DACH1: variants seen among roughly 807,000 people sequenced by gnomAD.
DACH1 encodes the protein dachshund family transcription factor 1.
DACH1 carries 12 observed loss-of-function variants against 54.2 expected under a neutral mutation model. The observed-to-expected ratio is 0.22, with a 90% CI of 0.14 to 0.36. The LOEUF is 0.36. Ranked by LOEUF, DACH1 falls within the 10% of genes least tolerant of loss-of-function variation. The pLI, the probability that DACH1 is intolerant of heterozygous loss-of-function variation, is 1.00. For synonymous variants in DACH1, 386 were observed against 366.2 expected, an observed-to-expected ratio of 1.05 and a Z score of -0.62; for missense variants, 805 against 929.8, an observed-to-expected ratio of 0.87 and a Z score of 1.75.
At chr13:71,827,786 A>G (rs550588119) in intron 1 of DACH1, among the ~76,000 whole-genome samples, 1 of 152,206 alleles carries the variant, frequency 6.6e-6, no homozygotes, top group South Asian at 2.1e-4. Flanking sequence ...ATAAATATAT[A>G]GCTGATTAGG....
chr13:71,691,287 TG>T (rs1881464760), intron 1 of DACH1, among the ~76,000 whole-genome samples: 1 of 152,220 alleles, frequency 6.6e-6, no homozygotes, highest in Non-Finnish European at 1.5e-5. Flanking sequence ...CAAATGTTTT[TG>T]TTTTATTTTT....
chr13:71,753,124 C>A (rs1188516461), intron 1 of DACH1, among the ~76,000 whole-genome samples: 1 of 152,120 alleles, frequency 6.6e-6, no homozygotes, highest in Admixed American at 6.5e-5. Context: ...ATAAGCGAAC[C>A]ACTGCAAATA....
intron 1 of DACH1, among the ~76,000 whole-genome samples, chr13:71,742,667 T>A (rs967616248): frequency 2.0e-5 from 3 of 152,214 alleles, no homozygotes; most frequent in African/African-American, 7.2e-5. Context: ...AATTGCAGCC[T>A]CTTCTAAATG....
chr13:71,631,075 T>C (rs1179858494), intron 2 of DACH1, among the ~76,000 whole-genome samples: 1 of 152,162 alleles, frequency 6.6e-6, no homozygotes, highest in Non-Finnish European at 1.5e-5. Flanking sequence ...ATCTGAACTG[T>C]TAACTGAATC....
At chr13:71,551,614 AT>A (rs1883822483) in intron 6 of DACH1, among the ~76,000 whole-genome samples, 2 of 152,156 alleles carry the variant, frequency 1.3e-5, no homozygotes, top group Non-Finnish European at 2.9e-5. Context: ...ATGTTGCTGC[AT>A]TTTTGAAGAC....
In DACH1 at chr13:71,678,983, T is replaced by C. The variant is rs554473458; in HGVS notation, c.964+2812A>G. Among the ~76,000 whole-genome samples the C allele has an allele frequency of 2.7e-4, 41 of 152,266 alleles. 1 individual carries two copies. The South Asian group carries it at 8.5e-3, about 32-fold the overall frequency. On this transcript the variant is annotated intron_variant, in intron 2 of 10. Transcript: ENST00000613252. Reference sequence around the variant, plus strand: ...CTAACATCCCCTTTCTAATCCAGTTTATGCTCCTAATGAGCCTCCATTTCC... The same window carrying C: ...CTAACATCCCCTTTCTAATCCAGTTCATGCTCCTAATGAGCCTCCATTTCC...
At chr13:71,776,993 C>T (rs1356398192) in intron 1 of DACH1, among the ~76,000 whole-genome samples, 1 of 152,130 alleles carries the variant, frequency 6.6e-6, no homozygotes, top group Non-Finnish European at 1.5e-5. Flanking sequence ...CCTCAAAGCA[C>T]TCTAGGCCTA....
At chr13:71,806,491 A>C (rs1887509510) in intron 1 of DACH1, among the ~76,000 whole-genome samples, 1 of 152,108 alleles carries the variant, frequency 6.6e-6, no homozygotes, top group Admixed American at 6.6e-5. Context: ...ATTGTATTCT[A>C]TTTTTAAATG....
intron 1 of DACH1, among the ~76,000 whole-genome samples, chr13:71,727,440 C>CATCACACCCGGCTAACGTTT (rs1883522721): frequency 6.6e-6 from 1 of 152,090 alleles, no homozygotes; most frequent in African/African-American, 2.4e-5. Flanking sequence ...ATTATTTCGC[C>CATCACACCCGGCTAACGTTT]TGTCTTCATC....
Position 71,450,240 on chromosome 13 carries a change from C to T in DACH1, c.2084-9548G>A, listed in dbSNP as rs113046471. ...ACAAGTTGAAAGTTTGTGGCAACTC[C>T]GCACTGGGGAAATGCTCACTTAATG... On this transcript the variant is annotated intron_variant, in intron 10 of 10. Transcript: ENST00000613252. 6.9e-3 allele frequency among the ~76,000 whole-genome samples: 1,041 copies of T among 151,230 alleles called. 12 individuals carry two copies. Among genetic ancestry groups the T allele is most frequent in the African/African-American group, 0.024 (973 of 41,204 alleles).
Position 71,866,968 on chromosome 13 carries a change from G to T in DACH1, c.-199C>A. ...TAAAGAGCGAGCGCAAGAGGGGCGA[G>T]CACGAGAGGCGCTCTGGAGAGGAAC... On this transcript the variant is annotated 5_prime_UTR_variant, in exon 1 of 11. Coordinates refer to ENST00000613252, the MANE Select transcript of DACH1 (RefSeq NM_080759.6). The T allele has an allele frequency of 2.7e-6, 1 of 373,904 alleles. No individual in the cohort carries two copies. Among genetic ancestry groups the T allele is most frequent in the Non-Finnish European group, 4.6e-6 (1 of 218,004 alleles). 23.2% of individuals were successfully genotyped at this position (373,904 alleles called of 1,614,324 possible).
At chr13:71,564,687 T>G (rs1033811741) in intron 4 of DACH1, among the ~76,000 whole-genome samples, 13 of 152,116 alleles carry the variant, frequency 8.5e-5, no homozygotes, top group African/African-American at 3.1e-4. Context: ...TTTTAAAAAT[T>G]TCATTATCTC....
chr13:71,729,295 C>T (rs1883629771), intron 1 of DACH1, among the ~76,000 whole-genome samples: 1 of 151,934 alleles, frequency 6.6e-6, no homozygotes, highest in Non-Finnish European at 1.5e-5. Context: ...TCTAAAATGG[C>T]ATTTCTGAAT....
At chr13:71,702,044 T>C (rs1343466895) in intron 1 of DACH1, among the ~76,000 whole-genome samples, 5 of 152,140 alleles carry the variant, frequency 3.3e-5, no homozygotes, top group African/African-American at 1.2e-4. Context: ...AATAAATAAA[T>C]AAAGTATTTA....
chr13:71,511,343 G>A (rs984400915), intron 6 of DACH1, among the ~76,000 whole-genome samples: 10 of 151,906 alleles, frequency 6.6e-5, no homozygotes, highest in African/African-American at 2.4e-4. Flanking sequence ...AGAAGTACAA[G>A]TGAAATAGAA....
chr13:71,773,756 T>C (rs1885952403), intron 1 of DACH1, among the ~76,000 whole-genome samples: 1 of 152,056 alleles, frequency 6.6e-6, no homozygotes, highest in African/African-American at 2.4e-5. Flanking sequence ...CAAAGAAATA[T>C]GTAATCAAAG....
At chr13:71,514,157 A>T (rs1422700315) in intron 6 of DACH1, among the ~76,000 whole-genome samples, 1 of 152,042 alleles carries the variant, frequency 6.6e-6, no homozygotes, top group Non-Finnish European at 1.5e-5. Flanking sequence ...ATATACATTG[A>T]CAGAATACTG....
intron 6 of DACH1, among the ~76,000 whole-genome samples, chr13:71,515,816 C>G (rs1440597446): frequency 2.6e-5 from 4 of 151,850 alleles, no homozygotes. Context: ...TCAATTCTTT[C>G]AGGAGCACAC....
At chr13:71,756,662 T>C (rs1885172987) in intron 1 of DACH1, among the ~76,000 whole-genome samples, 1 of 152,118 alleles carries the variant, frequency 6.6e-6, no homozygotes, top group Non-Finnish European at 1.5e-5. Flanking sequence ...CACAGTCTAA[T>C]GAGGAAGACT....
Sources: gnomAD v4.1 joint callset for allele counts (sites outside exome capture counted in the v4.1 genomes callset) on GRCh38, gnomAD v4.1.1 for gene constraint, MANE v1.5 for transcripts, NCBI Gene and HGNC (gene_info 2026-07-23, HGNC 2026-07-21) for gene names.